IDI1: variants seen among roughly 807,000 people sequenced by gnomAD.
IDI1 encodes isopentenyl-diphosphate Delta-isomerase 1.
Under a neutral mutation model 32.9 loss-of-function variants are expected in IDI1, and 23 were observed. The ratio of observed to expected loss-of-function variants is 0.70; its 90% CI spans 0.50 to 0.99. IDI1 has a LOEUF of 0.99. Ranked by LOEUF, IDI1 falls within the 50% of genes least tolerant of loss-of-function variation. The pLI is 0.00. For missense variants in IDI1, 326 were observed against 351.9 expected (o/e 0.93, Z 0.59); for synonymous variants, 133 against 128.2 (o/e 1.04, Z -0.25).
upstream of IDI1, chr10:1,049,169 C>T (rs1589057685): frequency 8.5e-7 from 1 of 1,169,980 alleles, no homozygotes. Context: ...CACGCCCCAC[C>T]CCCAGTTCCG....
chr10:1,043,173 C>T, intron 3 of IDI1, 128 bp downstream of exon 3: 1 of 641,504 alleles, frequency 1.6e-6, no homozygotes, highest in South Asian at 1.9e-5. Flanking sequence ...TGTAAACTCA[C>T]TTTATGCAGA....
At chr10:1,053,957 A>G (rs1833078663), upstream of IDI1, among the ~76,000 whole-genome samples, 1 of 152,172 alleles carries the variant, frequency 6.6e-6, no homozygotes, top group South Asian at 2.1e-4. Context: ...GGAGAGAGAT[A>G]GGGAGGCAGC....
chr10:1,046,394 A>G (rs1156898816), intron 1 of IDI1, among the ~76,000 whole-genome samples: 1 of 152,186 alleles, frequency 6.6e-6, no homozygotes, highest in Non-Finnish European at 1.5e-5. Flanking sequence ...AACTGCCCAC[A>G]TTATTCAGCA....
At chr10:1,051,881 A>G (rs2131589833), upstream of IDI1, among the ~76,000 whole-genome samples, 1 of 152,130 alleles carries the variant, frequency 6.6e-6, no homozygotes. Context: ...CCACAGGAAA[A>G]CTTTTTTTTG....
downstream of IDI1, chr10:1,039,192 A>T (rs1208818548): frequency 1.4e-5 from 2 of 142,142 alleles, no homozygotes; most frequent in Non-Finnish European, 3.1e-5. Context: ...TACGACCTGG[A>T]CGTGTCCCCA....
At position 1,048,880 on chromosome 10, in the gene IDI1, C is replaced by G; in HGVS notation, c.124G>C (p.Gly42Arg). 2 of 1,605,618 alleles carry G rather than the reference C, an allele frequency of 1.2e-6. No individual in the cohort carries two copies. The highest frequency in any genetic ancestry group is 8.5e-7 in the Non-Finnish European group (1 of 1,176,722). Residue 42 changes from glycine (G) to arginine (R), a missense_variant, in exon 1 of 5, where the codon GGC becomes CGC. Gly to Arg is a moderately radical substitution (Grantham distance 125). Transcript: ENST00000381344. Reference protein sequence around the residue: ...GRHPGPAVVCGRRLISVLEQI... With the variant: ...GRHPGPAVVCRRRLISVLEQI... ...CCACAGTACCTGATCAGCCTCCGGC[C>G]ACAGACAACCGCCGGTCCCGGATGG... is the stretch of plus-strand genomic sequence containing the variant.
chr10:1,050,835 A>G (rs1275442868), upstream of IDI1, among the ~76,000 whole-genome samples: 4 of 152,238 alleles, frequency 2.6e-5, no homozygotes, highest in Non-Finnish European at 5.9e-5. Context: ...TAAACACCAC[A>G]AAGACAGTGC....
chr10:1,043,149 G>T (rs1336759909), intron 3 of IDI1, 152 bp downstream of exon 3: 2 of 604,990 alleles, frequency 3.3e-6, no homozygotes, highest in Admixed American at 6.0e-5. Context: ...TGTTGTATTA[G>T]GTTGCACTCA....
Position 1,045,078 on chromosome 10 carries a change from C to G in IDI1, c.141-907G>C, listed in dbSNP as rs1041011192. On this transcript the variant is annotated intron_variant, in intron 1 of 4. Transcript: ENST00000381344. The stretch of plus-strand genomic sequence containing the variant: ...AAATATGAGAAAAACACTCAGCTCA[C>G]AGGACGTAACAACAGGCAGCAGGCC... Among the ~76,000 whole-genome samples, 6 of 152,396 alleles carry G rather than the reference C, an allele frequency of 3.9e-5. 1 individual carries two copies. In the South Asian group the frequency reaches 1.2e-3, roughly 32 times the overall value.
At chr10:1,041,537 C>A in intron 4 of IDI1, 33 bp from the exon 5 acceptor site, 2 of 1,241,704 alleles carry the variant, frequency 1.6e-6, no homozygotes, top group African/African-American at 1.5e-5. Context: ...GTAATTAAAA[C>A]ATCGGCCACC....
At chr10:1,048,757 A>AGACCGGCGC (rs1045066285) in intron 1 of IDI1, 107 bp downstream of exon 1, 1 of 1,497,548 alleles carries the variant, frequency 6.7e-7, no homozygotes, top group Non-Finnish European at 8.9e-7. Flanking sequence ...CTCCGCGCCG[A>AGACCGGCGC]GACCTCACGG....
In IDI1 at chr10:1,041,516, A is replaced by T. The variant is rs757374850; in HGVS notation, c.538-12T>A. ...TCTTCTGGAGGAACCTAAGACATTAAAAAAAAAAAAGTAATTAAAACATCG... is the reference window on the plus strand; with the variant it reads ...TCTTCTGGAGGAACCTAAGACATTATAAAAAAAAAAGTAATTAAAACATCG... On this transcript the variant is annotated splice_polypyrimidine_tract_variant and intron_variant, in intron 4 of 4. Transcript: ENST00000381344. 1.6e-6 allele frequency: 2 copies of T among 1,243,378 alleles called. No individual in the cohort carries two copies. Among genetic ancestry groups the T allele is most frequent in the East Asian group, 5.5e-5 (2 of 36,496 alleles). 77.0% of individuals were successfully genotyped at this position (1,243,378 alleles called of 1,614,324 possible). A position where few individuals can be genotyped will look rare whatever the true frequency, so the allele number is the denominator to read the frequency against.
chr10:1,048,638 C>T (rs1564488549), intron 1 of IDI1: 3 of 1,408,968 alleles, frequency 2.1e-6, no homozygotes, highest in Non-Finnish European at 2.8e-6. Flanking sequence ...TCTGACGCCC[C>T]GACTCACGCC....
At chr10:1,052,591 A>T (rs907885774), upstream of IDI1, among the ~76,000 whole-genome samples, 1 of 152,110 alleles carries the variant, frequency 6.6e-6, no homozygotes, top group Non-Finnish European at 1.5e-5. Context: ...TTGAAACGAA[A>T]TCTTTTTTTT....
chr10:1,051,052 C>T (rs1832998034), upstream of IDI1, among the ~76,000 whole-genome samples: 1 of 152,144 alleles, frequency 6.6e-6, no homozygotes, highest in African/African-American at 2.4e-5. Flanking sequence ...ACATTTTGTA[C>T]TTGTTACATT....
intron 2 of IDI1, chr10:1,043,766 T>C: frequency 1.5e-6 from 1 of 672,544 alleles, no homozygotes; most frequent in Non-Finnish European, 2.7e-6. Flanking sequence ...CCCTCTTCTA[T>C]GAATCCAGAA....
Position 1,043,381 on chromosome 10 carries a change from C to T in IDI1, c.326G>A (p.Arg109Gln), listed in dbSNP as rs1233569212. 3 of 1,602,890 alleles carry T rather than the reference C, an allele frequency of 1.9e-6. No individual in the cohort carries two copies. Among genetic ancestry groups the T allele is most frequent in the Non-Finnish European group, 2.6e-6 (3 of 1,169,868 alleles). The part of the protein sequence containing the change: ...NENIEKGLLH[R>Q]AFSVFLFNTE... ...GTTGAATAAGAAGACACTAAAAGCT[C>T]GATGCAATAATCCTGAAAGCAAAAG... Residue 109 changes from arginine to glutamine, a missense_variant, in exon 3 of 5, where the codon CGA becomes CAA. Around this residue, in one of 2 missense-constraint regions of IDI1, gnomAD observed 205 missense variants for 273.5 expected, o/e 0.75. Coordinates refer to ENST00000381344, the MANE Select transcript of IDI1 (RefSeq NM_004508.4).
intron 2 of IDI1, 71 bp downstream of exon 2, chr10:1,043,928 A>T: frequency 7.7e-7 from 1 of 1,296,762 alleles, no homozygotes; most frequent in Admixed American, 1.9e-5. Flanking sequence ...CCTTGAACAG[A>T]GTGCTCTTCT....
chr10:1,055,672 A>C, the IDI1 span, among the ~76,000 whole-genome samples: 1 of 152,082 alleles, frequency 6.6e-6, no homozygotes, highest in African/African-American at 2.4e-5. Context: ...GTTTTTAGTG[A>C]TAAAGTTTTA....
Sources: allele counts gnomAD v4.1 joint callset (sites outside exome capture counted in the v4.1 genomes callset), GRCh38; gene constraint gnomAD v4.1.1; regional missense constraint gnomAD v4.1.1; transcripts MANE v1.5; gene names NCBI Gene and HGNC (gene_info 2026-07-23, HGNC 2026-07-21).